Variants in CCDC18 observed in about 807,000 individuals in gnomAD.
The protein encoded by CCDC18 is coiled-coil domain containing 18.
CCDC18 carries 157 observed loss-of-function variants against 196.0 expected under a neutral mutation model. The ratio of observed to expected loss-of-function variants is 0.80; its 90% CI spans 0.70 to 0.91. CCDC18 has a LOEUF of 0.91. CCDC18 is among the 40% of genes least tolerant of loss of function. The probability of loss-of-function intolerance (pLI) is 0.00; values close to 1 mark genes in which losing one functional copy is unlikely to be tolerated. For synonymous variants in CCDC18, 482 were observed against 529.2 expected, an observed-to-expected ratio of 0.91 and a Z score of 1.22; for missense variants, 1,465 against 1,611.6, an observed-to-expected ratio of 0.91 and a Z score of 1.56.
rs563234806 is a variant in CCDC18, at chr1:93,229,519, G to A, written c.2293-2907G>A. On this transcript the variant is annotated intron_variant, in intron 17 of 28. Transcript: ENST00000690025. ...CGTTAATAATAGGTGATATTATAAA[G>A]ATGTTCTTATCTTTTAAATCAGGGA... Among the ~76,000 whole-genome samples, 36 of 152,258 alleles carry A rather than the reference G, an allele frequency of 2.4e-4. 1 individual carries two copies. Among genetic ancestry groups the A allele is most frequent in the Admixed American group, 1.4e-3 (21 of 15,292 alleles).
At chr1:93,213,717 A>C (rs972068606) in intron 11 of CCDC18, among the ~76,000 whole-genome samples, 1 of 152,102 alleles carries the variant, frequency 6.6e-6, no homozygotes, top group Non-Finnish European at 1.5e-5. Flanking sequence ...ATAGGACTTC[A>C]TTTTTAAGAA....
intron 26 of CCDC18, among the ~76,000 whole-genome samples, chr1:93,262,974 G>T (rs973507653): frequency 6.6e-6 from 1 of 152,098 alleles, no homozygotes; most frequent in African/African-American, 2.4e-5. Flanking sequence ...CCACATGGAA[G>T]CTGCCAAGGT....
In CCDC18 at chr1:93,193,645, A is replaced by C. The variant is rs1229095375; in HGVS notation, c.599A>C (p.Gln200Pro). ...GCAGAAAATAAGCTGGAACAGAGCC[A>C]GAAAATGGTAATTGAAAAGGAACAG... Reference protein sequence around the residue: ...REAENKLEQSQKMVIEKEQSL... With the variant: ...REAENKLEQSPKMVIEKEQSL... The change falls in exon 6 of 29, where the codon CAG becomes CCG. Residue 200 changes from glutamine to proline, a missense_variant. By Grantham distance (76) the Gln-to-Pro change is moderately conservative. Transcript: ENST00000690025. 1.9e-6 allele frequency: 3 copies of C among 1,591,430 alleles called. No individual in the cohort carries two copies. Among genetic ancestry groups the C allele is most frequent in the Middle Eastern group, 3.3e-4 (2 of 5,974 alleles).
Position 93,270,710 on chromosome 1 carries a change from G to C in CCDC18, c.4249G>C (p.Glu1417Gln). Residue 1417 changes from glutamate to glutamine, a missense_variant, in exon 28 of 29, where the codon GAG becomes CAG. Physicochemically the swap from Glu to Gln is conservative, Grantham distance 29. Transcript: ENST00000690025. ...ATATAACCTAGAAGCTGATAGTTCT[G>C]AGAATAATGACTTTAACACGCTTAG... ...LTYNLEADSSENNDFNTLSGM... is the reference protein window; with the variant it reads ...LTYNLEADSSQNNDFNTLSGM... 3 of 1,550,290 alleles carry C rather than the reference G, an allele frequency of 1.9e-6. No homozygotes were observed. The highest frequency in any genetic ancestry group is 2.6e-6 in the Non-Finnish European group (3 of 1,146,858).
intron 26 of CCDC18, among the ~76,000 whole-genome samples, chr1:93,263,304 C>A (rs1664065524): frequency 6.6e-6 from 1 of 152,128 alleles, no homozygotes; most frequent in Non-Finnish European, 1.5e-5. Context: ...TCTTTTCTAC[C>A]ACATGGCCAA....
At chr1:93,194,822 C>T (rs1652439460) in intron 6 of CCDC18, among the ~76,000 whole-genome samples, 1 of 152,172 alleles carries the variant, frequency 6.6e-6, no homozygotes, top group African/African-American at 2.4e-5. Flanking sequence ...CTAGTTTCCT[C>T]TATGCAACTT....
Position 93,216,697 on chromosome 1 carries a change from C to T in CCDC18, c.1781C>T (p.Ala594Val). 6.3e-7 allele frequency: 1 copy of T among 1,589,912 alleles called. No individual in the cohort carries two copies. Among genetic ancestry groups the T allele is most frequent in the Non-Finnish European group, 8.5e-7 (1 of 1,170,368 alleles). The change falls in exon 13 of 29, where the codon GCT becomes GTT. Residue 594 changes from alanine (A) to valine (V), a missense_variant. Physicochemically the swap from Ala to Val is moderately conservative, Grantham distance 64. Transcript: ENST00000690025. Reference sequence around the variant, plus strand: ...AAACAGCTGGAAGAAAAGATAGTTGCTTATTCCTCTATTGCTGCAAAAAAT... The same window carrying T: ...AAACAGCTGGAAGAAAAGATAGTTGTTTATTCCTCTATTGCTGCAAAAAAT... Reference protein sequence around the residue: ...LEKQLEEKIVAYSSIAAKNAE... With the variant: ...LEKQLEEKIVVYSSIAAKNAE...
At position 93,256,546 on chromosome 1, in the gene CCDC18, C is replaced by T; in HGVS notation, c.3546+8C>T. 1 of 1,595,854 alleles carries T rather than the reference C, an allele frequency of 6.3e-7. No individual in the cohort carries two copies. The highest frequency in any genetic ancestry group is 8.6e-7 in the Non-Finnish European group (1 of 1,164,246). On this transcript the variant is annotated splice_region_variant and intron_variant, in intron 25 of 28. Coordinates refer to ENST00000690025, the MANE Select transcript of CCDC18 (RefSeq NM_001378204.1). ...CAACTCTCTAAAGAGAAAGTAATCCCTATTTTAAATAATCTTATGTATCTG... is the reference window on the plus strand; with the variant it reads ...CAACTCTCTAAAGAGAAAGTAATCCTTATTTTAAATAATCTTATGTATCTG...
chr1:93,266,127 A>G (rs1443110979), intron 27 of CCDC18, among the ~76,000 whole-genome samples: 1 of 152,246 alleles, frequency 6.6e-6, no homozygotes, highest in Non-Finnish European at 1.5e-5. Flanking sequence ...ATTAGAACTC[A>G]GGATTAAGAA....
At chr1:93,227,996 A>G (rs1042217582) in intron 17 of CCDC18, among the ~76,000 whole-genome samples, 3 of 142,544 alleles carry the variant, frequency 2.1e-5, no homozygotes, top group Non-Finnish European at 4.6e-5. Context: ...ATATTTATTT[A>G]TATTTACATA....
intron 17 of CCDC18, among the ~76,000 whole-genome samples, chr1:93,231,485 A>G (rs1659232739): frequency 1.3e-5 from 2 of 152,132 alleles, no homozygotes; most frequent in Non-Finnish European, 2.9e-5. Context: ...CACATTGACA[A>G]TCATCACTTA....
At chr1:93,181,295 C>T (rs1345261155) in intron 1 of CCDC18, among the ~76,000 whole-genome samples, 6 of 128,408 alleles carry the variant, frequency 4.7e-5, no homozygotes, top group South Asian at 2.6e-4. Flanking sequence ...TGACTTCTTT[C>T]CAAAATGAGG....
intron 6 of CCDC18, among the ~76,000 whole-genome samples, chr1:93,198,331 T>C (rs1182824856): frequency 1.3e-5 from 2 of 152,328 alleles, no homozygotes; most frequent in African/African-American, 4.8e-5. Context: ...CATGGATTAT[T>C]ATCACACATA....
At chr1:93,217,409 T>C (rs1340317566) in intron 13 of CCDC18, among the ~76,000 whole-genome samples, 4 of 152,204 alleles carry the variant, frequency 2.6e-5, no homozygotes, top group Non-Finnish European at 4.4e-5. Flanking sequence ...ACATATTTAA[T>C]GGTTGACTAA....
rs770618270 is a variant in CCDC18 at position 93,200,276 on chromosome 1, A to C, written c.699-1616A>C. On this transcript the variant is annotated intron_variant, in intron 6 of 28. Coordinates refer to ENST00000690025, the MANE Select transcript of CCDC18 (RefSeq NM_001378204.1). ...AGGCGTGAACCACCACACCCAGCACATAACAATTTTAGAGATGTTAAAAAT... is the reference window on the plus strand; with the variant it reads ...AGGCGTGAACCACCACACCCAGCACCTAACAATTTTAGAGATGTTAAAAAT... 3.9e-5 allele frequency among the ~76,000 whole-genome samples: 6 copies of C among 151,952 alleles called. No individual in the cohort carries two copies. The South Asian group carries it at 6.2e-4, about 16-fold the overall frequency.
chr1:93,180,386 T>G (rs557602847), upstream of CCDC18: 50 of 1,250,086 alleles, frequency 4.0e-5, 1 homozygote, highest in Admixed American at 7.6e-4. Flanking sequence ...CGGCGAACAC[T>G]CCCTCCGAAA....
intron 4 of CCDC18, chr1:93,191,051 T>G: frequency 1.2e-6 from 1 of 830,044 alleles, no homozygotes; most frequent in Admixed American, 1.8e-5. Flanking sequence ...GTTTTAGGAA[T>G]GTTCACCATG....
intron 6 of CCDC18, among the ~76,000 whole-genome samples, chr1:93,199,552 T>A (rs918874764): frequency 3.3e-5 from 5 of 152,210 alleles, no homozygotes; most frequent in Non-Finnish European, 7.4e-5. Flanking sequence ...CTCCTTCTCT[T>A]GTCTTTTCTT....
chr1:93,206,320 G>A (rs1010023146), intron 8 of CCDC18, among the ~76,000 whole-genome samples: 3 of 152,038 alleles, frequency 2.0e-5, no homozygotes, highest in Admixed American at 6.6e-5. Context: ...TTTTAGAATC[G>A]GTTATCGATT....
Sources: allele counts gnomAD v4.1 joint callset (sites outside exome capture counted in the v4.1 genomes callset), GRCh38; gene constraint gnomAD v4.1.1; transcripts MANE v1.5; gene names NCBI Gene and HGNC (gene_info 2026-07-23, HGNC 2026-07-21).